Variants in ALK observed in about 807,000 individuals in gnomAD.
The protein encoded by ALK is ALK tyrosine kinase receptor.
Under a neutral mutation model 163.1 loss-of-function variants are expected in ALK, and 74 were observed. The observed-to-expected ratio is 0.45, with a 90% CI of 0.38 to 0.55. The LOEUF (loss-of-function observed/expected upper bound fraction) is 0.55. Ranked by LOEUF, ALK falls within the 20% of genes least tolerant of loss-of-function variation. ALK has a pLI of 0.00. For missense variants in ALK, 2,063 were observed against 2,105.3 expected, an observed-to-expected ratio of 0.98 and a Z score of 0.39; for synonymous variants, 960 against 843.2, an observed-to-expected ratio of 1.14 and a Z score of -2.40.
chr2:29,858,388 C>A (rs1409641525), intron 1 of ALK, among the ~76,000 whole-genome samples: 1 of 151,966 alleles, frequency 6.6e-6, no homozygotes, highest in Non-Finnish European at 1.5e-5. Context: ...AAAGTGGAAC[C>A]ACCCCCCTCT....
At chr2:29,558,624 T>G (rs757452657) in intron 3 of ALK, among the ~76,000 whole-genome samples, 13 of 152,020 alleles carry the variant, frequency 8.6e-5, no homozygotes, top group Non-Finnish European at 1.5e-4. Flanking sequence ...AAGGGTCACC[T>G]CCTCTGGGAT....
chr2:29,250,987 C>T, intron 12 of ALK, 118 bp downstream of exon 12: 2 of 1,023,852 alleles, frequency 2.0e-6, no homozygotes, highest in Non-Finnish European at 2.8e-6. Flanking sequence ...GGGCCTGAGT[C>T]TGTTGCCTTT....
At chr2:29,570,618 C>G (rs1674333258) in intron 3 of ALK, among the ~76,000 whole-genome samples, 1 of 152,226 alleles carries the variant, frequency 6.6e-6, no homozygotes, top group South Asian at 2.1e-4. Context: ...GAACATTTCT[C>G]TCTCTTAGAA....
At chr2:29,499,998 T>C (rs1328780181) in intron 4 of ALK, among the ~76,000 whole-genome samples, 1 of 151,968 alleles carries the variant, frequency 6.6e-6, no homozygotes, top group Admixed American at 6.6e-5. Context: ...CCCCATACAC[T>C]TGGGTCTCGC....
intron 9 of ALK, among the ~76,000 whole-genome samples, chr2:29,281,331 C>T (rs577576159): frequency 6.6e-6 from 1 of 152,274 alleles, no homozygotes; most frequent in South Asian, 2.1e-4. Context: ...GAAGAGGCTT[C>T]CCCTTCCTCT....
intron 3 of ALK, among the ~76,000 whole-genome samples, chr2:29,563,035 C>T (rs1385156410): frequency 6.6e-6 from 1 of 152,180 alleles, no homozygotes; most frequent in Non-Finnish European, 1.5e-5. Context: ...GCTTTACTCA[C>T]AAAAACATGG....
At chr2:29,306,229 ATAT>A (rs1666506059) in intron 8 of ALK, among the ~76,000 whole-genome samples, 1 of 152,164 alleles carries the variant, frequency 6.6e-6, no homozygotes, top group Non-Finnish European at 1.5e-5. Flanking sequence ...CTTTGTGTAG[ATAT>A]TATTCCACCC....
intron 4 of ALK, among the ~76,000 whole-genome samples, chr2:29,447,207 C>T (rs1670706952): frequency 6.6e-6 from 1 of 152,168 alleles, no homozygotes; most frequent in Admixed American, 6.5e-5. Context: ...CAATCTACCC[C>T]CAGCTGACCT....
intron 3 of ALK, among the ~76,000 whole-genome samples, chr2:29,535,713 T>G (rs1241376659): frequency 1.3e-5 from 2 of 152,184 alleles, no homozygotes; most frequent in Non-Finnish European, 2.9e-5. Flanking sequence ...ACTACCAACC[T>G]TCCTTGGTAA....
intron 1 of ALK, among the ~76,000 whole-genome samples, chr2:29,826,096 G>A (rs142308951): frequency 2.0e-5 from 3 of 152,158 alleles, no homozygotes; most frequent in Non-Finnish European, 4.4e-5. Context: ...ACCTGCAACT[G>A]TCCTTCCCTG....
chr2:29,920,543 C>T lies in ALK; in HGVS notation c.117G>A (p.Gln39=), dbSNP rs1225169683. The change falls in exon 1 of 29, where the codon CAG becomes CAA. Residue 39 remains glutamine (Q), a synonymous_variant. Coordinates refer to ENST00000389048, the MANE Select transcript of ALK (RefSeq NM_004304.5). ...GCGAGTAGCTGAGTGGCTCCCGGGG[C>T]TGCAGCGGCGGCCCCGCAGCTGGGG... ...AGSPAAGPPL[Q]PREPLSYSRL... is the part of the protein sequence containing the mutation. The T allele has an allele frequency of 3.2e-5, 51 of 1,607,434 alleles. No homozygotes were observed. The highest frequency in any genetic ancestry group is 4.1e-5 in the Non-Finnish European group (48 of 1,178,160).
rs144807727 is a variant in ALK, at chr2:29,676,649, A to G, written c.952+18201T>C. 3.7e-3 allele frequency among the ~76,000 whole-genome samples: 563 copies of G among 152,112 alleles called. 3 individuals carry two copies. Among genetic ancestry groups the G allele is most frequent in the African/African-American group, 0.012 (513 of 41,544 alleles). On this transcript the variant is annotated intron_variant, in intron 3 of 28. Transcript: ENST00000389048. Reference sequence around the variant, plus strand: ...ATTGTGTCTATTCCAGGTCTTTTCCATATAAATTTTAAGTTACGAAATAAA... The same window carrying G: ...ATTGTGTCTATTCCAGGTCTTTTCCGTATAAATTTTAAGTTACGAAATAAA...
rs191109415 is a variant in ALK at position 29,471,511 on chromosome 2, A to G, written c.1154+60404T>C. Among the ~76,000 whole-genome samples the G allele has an allele frequency of 2.6e-5, 4 of 152,348 alleles. No homozygotes were observed. The East Asian group carries it at 7.7e-4, about 29-fold the overall frequency. On this transcript the variant is annotated intron_variant, in intron 4 of 28. Coordinates refer to ENST00000389048, the MANE Select transcript of ALK (RefSeq NM_004304.5). ...AAACTCAATCCATATAACCCACTAT[A>G]TTAATAGAAAAAAGAATAAGCAGTA...
chr2:29,640,276 T>C (rs891575445), intron 3 of ALK, among the ~76,000 whole-genome samples: 3 of 152,172 alleles, frequency 2.0e-5, no homozygotes, highest in African/African-American at 7.2e-5. Context: ...ATCGCCAATG[T>C]TGGAGGTGGG....
At chr2:29,217,513 G>T (rs909106368) in intron 23 of ALK, among the ~76,000 whole-genome samples, 1 of 151,342 alleles carries the variant, frequency 6.6e-6, no homozygotes, top group African/African-American at 2.5e-5. Flanking sequence ...CATGCATTTC[G>T]TTTCCACAAC....
chr2:29,647,716 T>C lies in ALK; in HGVS notation c.952+47134A>G, dbSNP rs1227282817. Among the ~76,000 whole-genome samples, 59 of 151,970 alleles carry C rather than the reference T, an allele frequency of 3.9e-4. 1 individual carries two copies. Among genetic ancestry groups the C allele is most frequent in the Non-Finnish European group, 2.6e-4 (18 of 67,986 alleles). ...CACACAAACCGTCAAGGGCTTCCTA[T>C]TGCTCAGAGAAGTGTTTCATCTACC... On this transcript the variant is annotated intron_variant, in intron 3 of 28. Coordinates refer to ENST00000389048, the MANE Select transcript of ALK (RefSeq NM_004304.5).
intron 4 of ALK, among the ~76,000 whole-genome samples, chr2:29,515,994 G>A (rs930209517): frequency 1.3e-5 from 2 of 152,150 alleles, no homozygotes; most frequent in African/African-American, 2.4e-5. Flanking sequence ...AAGCTTGGCC[G>A]AGTGGGCTAA....
In ALK at chr2:29,275,132, A is replaced by G. The variant is rs1665499458; in HGVS notation, c.2008T>C (p.Ser670Pro). The change falls in exon 11 of 29, where the codon TCA (serine) becomes CCA (proline). Residue 670 changes from serine to proline, a missense_variant. Around this residue, in one of 5 missense-constraint regions of ALK, gnomAD observed 987 missense variants for 939.5 expected, o/e 1.05. Coordinates refer to ENST00000389048, the MANE Select transcript of ALK (RefSeq NM_004304.5). ...TCAAAGATGGGGGTCTGTCTTGGTG[A>G]ATTTTCCCCGGGTTTCAGCTCCTTG... is the stretch of plus-strand genomic sequence containing the variant. ...PNKELKPGENSPRQTPIFDPT... is the reference protein window; with the variant it reads ...PNKELKPGENPPRQTPIFDPT... 6.2e-7 allele frequency: 1 copy of G among 1,613,974 alleles called. No individual in the cohort carries two copies. The highest frequency in any genetic ancestry group is 8.5e-7 in the Non-Finnish European group (1 of 1,180,022).
chr2:29,321,233 C>G (rs574390167), intron 6 of ALK, among the ~76,000 whole-genome samples: 1 of 152,178 alleles, frequency 6.6e-6, no homozygotes, highest in African/African-American at 2.4e-5. Context: ...AGTTAGGACT[C>G]GAACCCAGGT....
Sources: gnomAD v4.1 joint callset for allele counts (sites outside exome capture counted in the v4.1 genomes callset) on GRCh38, gnomAD v4.1.1 for gene constraint, gnomAD v4.1.1 regional missense constraint, MANE v1.5 for transcripts, NCBI Gene and HGNC (gene_info 2026-07-23, HGNC 2026-07-21) for gene names.